Variants in ADAMTS3 observed in about 807,000 individuals in gnomAD.
The protein encoded by ADAMTS3 is A disintegrin and metalloproteinase with thrombospondin motifs 3.
ADAMTS3 carries 73 observed loss-of-function variants against 129.0 expected under a neutral mutation model. The ratio of observed to expected loss-of-function variants is 0.57; its 90% CI spans 0.47 to 0.69. The LOEUF is 0.69. Among genes scored for constraint, ADAMTS3 ranks in the 30% least tolerant of loss-of-function variants. The pLI is 0.00. For synonymous variants in ADAMTS3, 477 were observed against 510.8 expected, an observed-to-expected ratio of 0.93 and a Z score of 0.89; for missense variants, 1,457 against 1,514.5, an observed-to-expected ratio of 0.96 and a Z score of 0.63.
At chr4:72,523,863 T>A (rs788943) in intron 3 of ADAMTS3, among the ~76,000 whole-genome samples, 151,492 of 152,240 alleles carry the variant, frequency 1, 75,378 homozygotes, top group Middle Eastern at 1. Context: ...TATTGGTCAA[T>A]GTTCAATGTA....
intron 4 of ADAMTS3, among the ~76,000 whole-genome samples, chr4:72,411,267 T>C (rs949012771): frequency 2.0e-5 from 3 of 152,096 alleles, no homozygotes; most frequent in Non-Finnish European, 2.9e-5. Flanking sequence ...GTGACTTTTG[T>C]TGGAAACTCA....
intron 3 of ADAMTS3, among the ~76,000 whole-genome samples, chr4:72,441,267 T>C (rs1718108184): frequency 6.6e-6 from 1 of 151,782 alleles, no homozygotes; most frequent in Non-Finnish European, 1.5e-5. Context: ...TGCTGAGTAA[T>C]ATTTCATTAT....
At chr4:72,451,204 C>A (rs185948181) in intron 3 of ADAMTS3, among the ~76,000 whole-genome samples, 31 of 151,784 alleles carry the variant, frequency 2.0e-4, no homozygotes, top group African/African-American at 6.3e-4. Context: ...AGGAGAAGAT[C>A]AAGTCTGGCC....
At chr4:72,506,831 C>A (rs1356621719) in intron 3 of ADAMTS3, among the ~76,000 whole-genome samples, 1 of 152,170 alleles carries the variant, frequency 6.6e-6, no homozygotes. Flanking sequence ...CCACATTTTC[C>A]CCCACCAGGA....
intron 3 of ADAMTS3, among the ~76,000 whole-genome samples, chr4:72,424,532 T>C (rs887849202): frequency 6.6e-6 from 1 of 152,116 alleles, no homozygotes; most frequent in African/African-American, 2.4e-5. Context: ...GGGCTCCTAA[T>C]AGAATTGATT....
intron 3 of ADAMTS3, among the ~76,000 whole-genome samples, chr4:72,451,384 T>C (rs1578690707): frequency 6.6e-6 from 1 of 151,838 alleles, no homozygotes; most frequent in Non-Finnish European, 1.5e-5. Flanking sequence ...CATTTCTTAC[T>C]AGAAGATTCC....
At chr4:72,485,485 T>C (rs187731189) in intron 3 of ADAMTS3, among the ~76,000 whole-genome samples, 2 of 152,270 alleles carry the variant, frequency 1.3e-5, no homozygotes, top group African/African-American at 4.8e-5. Context: ...CAGGCTTAAT[T>C]ATGTATGTTC....
At chr4:72,387,081 C>A (rs1006836878) in intron 4 of ADAMTS3, among the ~76,000 whole-genome samples, 38 of 152,264 alleles carry the variant, frequency 2.5e-4, no homozygotes, top group African/African-American at 8.9e-4. Context: ...TAACAAATTT[C>A]TCAAGGTGAG....
intron 4 of ADAMTS3, among the ~76,000 whole-genome samples, chr4:72,372,572 A>T (rs960798160): frequency 1.3e-5 from 2 of 152,086 alleles, no homozygotes; most frequent in African/African-American, 4.8e-5. Context: ...AAATCTTTCC[A>T]GAAATCTAAA....
intron 4 of ADAMTS3, among the ~76,000 whole-genome samples, chr4:72,392,262 G>C (rs1403468726): frequency 1.3e-5 from 2 of 152,156 alleles, no homozygotes; most frequent in East Asian, 3.9e-4. Flanking sequence ...GTGTCTCTTA[G>C]TCTACACATT....
intron 16 of ADAMTS3, among the ~76,000 whole-genome samples, chr4:72,305,563 C>G (rs1020907233): frequency 9.9e-5 from 15 of 151,678 alleles, no homozygotes; most frequent in Non-Finnish European, 1.8e-4. Context: ...AATGATTTTT[C>G]CCTCATATAG....
At chr4:72,558,924 CA>C (rs1323395649) in intron 2 of ADAMTS3, among the ~76,000 whole-genome samples, 1 of 151,636 alleles carries the variant, frequency 6.6e-6, no homozygotes, top group Non-Finnish European at 1.5e-5. Context: ...CTGGAACTGT[CA>C]AAAAAGAGGC....
chr4:72,305,959 A>G (rs1401570090), intron 16 of ADAMTS3, 28 bp downstream of exon 16: 1 of 1,577,128 alleles, frequency 6.3e-7, no homozygotes, highest in Non-Finnish European at 8.7e-7. Context: ...TGCATGTTAA[A>G]GCAGAGACAG....
intron 4 of ADAMTS3, among the ~76,000 whole-genome samples, chr4:72,357,739 T>C (rs1157014641): frequency 2.0e-5 from 3 of 151,976 alleles, no homozygotes; most frequent in Non-Finnish European, 4.4e-5. Flanking sequence ...TGCATGATGG[T>C]TACATCTGTA....
At position 72,568,717 on chromosome 4, in the gene ADAMTS3, C is replaced by A. The variant is rs1304380459; in HGVS notation, c.46G>T (p.Val16Phe). Reference protein sequence around the residue: ...LWLIAAALVEVRTSADGQAGN... With the variant: ...LWLIAAALVEFRTSADGQAGN... ...ACTTGTCCATCAGCTGAAGTCCTAACCTCTACCAGAGCGGCTGCTATCAAC... is the reference window on the plus strand; with the variant it reads ...ACTTGTCCATCAGCTGAAGTCCTAAACTCTACCAGAGCGGCTGCTATCAAC... Residue 16 changes from valine (V) to phenylalanine (F), a missense_variant, in exon 1 of 22, where the codon GTT becomes TTT. Physicochemically the swap from Val to Phe is conservative, Grantham distance 50. Transcript: ENST00000286657. The A allele has an allele frequency of 6.2e-7, 1 of 1,613,886 alleles. No individual in the cohort carries two copies. Among genetic ancestry groups the A allele is most frequent in the Non-Finnish European group, 8.5e-7 (1 of 1,179,970 alleles).
intron 3 of ADAMTS3, among the ~76,000 whole-genome samples, chr4:72,471,356 C>T (rs1719067626): frequency 6.6e-6 from 1 of 151,796 alleles, no homozygotes; most frequent in African/African-American, 2.4e-5. Flanking sequence ...TTCCAAATGA[C>T]CAATGCATAA....
intron 3 of ADAMTS3, among the ~76,000 whole-genome samples, chr4:72,473,401 C>A (rs554909417): frequency 3.4e-4 from 51 of 151,680 alleles, no homozygotes; most frequent in African/African-American, 1.1e-3. Flanking sequence ...CAAAAACAGG[C>A]AAGGAAACAA....
intron 3 of ADAMTS3, among the ~76,000 whole-genome samples, chr4:72,475,681 A>T (rs1379591645): frequency 2.0e-5 from 3 of 152,066 alleles, no homozygotes; most frequent in Non-Finnish European, 4.4e-5. Flanking sequence ...AAAATATTCT[A>T]CTGAAGAATA....
chr4:72,491,938 C>T (rs1200822076), intron 3 of ADAMTS3, among the ~76,000 whole-genome samples: 1 of 151,668 alleles, frequency 6.6e-6, no homozygotes, highest in East Asian at 1.9e-4. Flanking sequence ...TCAATCATCT[C>T]TTTATTTGTT....
Sources: allele counts gnomAD v4.1 joint callset (sites outside exome capture counted in the v4.1 genomes callset), GRCh38; gene constraint gnomAD v4.1.1; transcripts MANE v1.5; gene names NCBI Gene and HGNC (gene_info 2026-07-23, HGNC 2026-07-21).